GRIK4: variants seen among roughly 807,000 people sequenced by gnomAD.
The protein encoded by GRIK4 is glutamate ionotropic receptor kainate type subunit 4.
GRIK4 carries 40 observed loss-of-function variants against 104.9 expected under a neutral mutation model. That is an observed-to-expected ratio of 0.38 (90% CI 0.30 to 0.50). The LOEUF is 0.50. Ranked by LOEUF, GRIK4 falls within the 20% of genes least tolerant of loss-of-function variation. The probability of loss-of-function intolerance (pLI) is 0.93; values close to 1 mark genes in which losing one functional copy is unlikely to be tolerated. For synonymous variants in GRIK4, 485 were observed against 524.9 expected (o/e 0.92, Z 1.04); for missense variants, 1,047 against 1,308.1 (o/e 0.80, Z 3.08).
intron 3 of GRIK4, among the ~76,000 whole-genome samples, chr11:120,776,938 C>T (rs1278812524): frequency 1.3e-5 from 2 of 152,126 alleles, no homozygotes; most frequent in Non-Finnish European, 2.9e-5. Flanking sequence ...TGATTTCTGC[C>T]ATGTGCTGTT....
chr11:120,891,437 T>A (rs1955292025), intron 11 of GRIK4, among the ~76,000 whole-genome samples: 1 of 152,250 alleles, frequency 6.6e-6, no homozygotes, highest in Non-Finnish European at 1.5e-5. Flanking sequence ...ATCTTGGTAC[T>A]TAGCAGCATG....
intron 3 of GRIK4, among the ~76,000 whole-genome samples, chr11:120,799,330 G>A (rs1952581484): frequency 6.6e-6 from 1 of 152,174 alleles, no homozygotes; most frequent in South Asian, 2.1e-4. Flanking sequence ...GAGAAGGGAG[G>A]AGGGGGAGTT....
intron 1 of GRIK4, among the ~76,000 whole-genome samples, chr11:120,514,254 A>G (rs1179456074): frequency 6.6e-6 from 1 of 152,166 alleles, no homozygotes; most frequent in Non-Finnish European, 1.5e-5. Flanking sequence ...TTATGTGTGT[A>G]TGGGGTTCTG....
At chr11:120,583,765 T>C (rs373668037) in intron 1 of GRIK4, among the ~76,000 whole-genome samples, 3 of 152,226 alleles carry the variant, frequency 2.0e-5, no homozygotes, top group East Asian at 1.9e-4. Flanking sequence ...CATTGGTAGT[T>C]TGATAGGGAT....
At chr11:120,931,101 C>T (rs373492330) in intron 13 of GRIK4, among the ~76,000 whole-genome samples, 3 of 152,254 alleles carry the variant, frequency 2.0e-5, no homozygotes, top group South Asian at 4.1e-4. Context: ...ATAAGAAAAA[C>T]GAGCTGGGAG....
At chr11:120,532,335 G>A (rs1043844702) in intron 1 of GRIK4, among the ~76,000 whole-genome samples, 1 of 152,156 alleles carries the variant, frequency 6.6e-6, no homozygotes, top group Admixed American at 6.5e-5. Context: ...TTGTGCCCGG[G>A]GGTCCGCCCT....
intron 3 of GRIK4, among the ~76,000 whole-genome samples, chr11:120,717,663 C>T (rs185312602): frequency 7.9e-5 from 12 of 152,306 alleles, no homozygotes; most frequent in African/African-American, 2.9e-4. Flanking sequence ...AAGAATCCTC[C>T]TGCTTCCTGC....
Position 120,807,748 on chromosome 11 carries a change from C to T in GRIK4, c.247+4891C>T, listed in dbSNP as rs148843641. Among the ~76,000 whole-genome samples, 1,140 of 152,290 alleles carry T rather than the reference C, an allele frequency of 7.5e-3. 4 individuals carry two copies. The highest frequency in any genetic ancestry group is 0.022 in the South Asian group (108 of 4,818). On this transcript the variant is annotated intron_variant, in intron 4 of 20. Transcript: ENST00000527524. ...CCTTACTCCCCTTCTCGGAGCTACC[C>T]GCATCATAGGCATGATGTGGGCTCA...
Position 120,753,112 on chromosome 11 carries a change from C to T in GRIK4, c.83-49581C>T, listed in dbSNP as rs113242682. Among the ~76,000 whole-genome samples the T allele has an allele frequency of 4.9e-3, 750 of 152,308 alleles. 7 individuals carry two copies. The highest frequency in any genetic ancestry group is 0.017 in the African/African-American group (714 of 41,558). On this transcript the variant is annotated intron_variant, in intron 3 of 20. Transcript: ENST00000527524. The stretch of plus-strand genomic sequence containing the variant: ...TCCTTTACAGGAGAGCAGCTGAGCA[C>T]GGATGGGTGGTTTGGAGAAAATGGG...
chr11:120,885,432 C>G (rs1353119983), intron 11 of GRIK4, among the ~76,000 whole-genome samples: 1 of 151,022 alleles, frequency 6.6e-6, no homozygotes, highest in East Asian at 1.9e-4. Context: ...ATTGCCCAGG[C>G]TGGAGTGCAA....
intron 9 of GRIK4, chr11:120,871,531 T>A: frequency 2.2e-6 from 1 of 452,974 alleles, no homozygotes; most frequent in South Asian, 1.6e-5. Flanking sequence ...TGCAGAGGTG[T>A]GCACTGTTCC....
chr11:120,553,309 A>T (rs2136096950), intron 1 of GRIK4, among the ~76,000 whole-genome samples: 1 of 152,268 alleles, frequency 6.6e-6, no homozygotes, highest in Non-Finnish European at 1.5e-5. Context: ...AAACCAGGAG[A>T]TGTGGCACTG....
chr11:120,518,311 A>C (rs371717542), intron 1 of GRIK4, among the ~76,000 whole-genome samples: 5 of 152,302 alleles, frequency 3.3e-5, no homozygotes, highest in African/African-American at 1.2e-4. Flanking sequence ...AGTCCGTGGC[A>C]GCAGTGGTTA....
At chr11:120,545,791 G>C (rs1948080355) in intron 1 of GRIK4, among the ~76,000 whole-genome samples, 1 of 152,172 alleles carries the variant, frequency 6.6e-6, no homozygotes, top group Admixed American at 6.5e-5. Context: ...CCAGTTTTAG[G>C]GATCTTTGGA....
At chr11:120,982,027 G>A (rs543762521) in intron 19 of GRIK4, 79 bp from the exon 20 acceptor site, 1 of 982,750 alleles carries the variant, frequency 1.0e-6, no homozygotes, top group Non-Finnish European at 1.6e-6. Flanking sequence ...TTGTTTGAAT[G>A]ATTTTAGTAT....
At chr11:120,899,418 CA>C (rs57401981) in intron 12 of GRIK4, among the ~76,000 whole-genome samples, 18,673 of 71,870 alleles carry the variant, frequency 0.26, 1,290 homozygotes, top group African/African-American at 0.35. Flanking sequence ...GAGACTGTCT[CA>C]AAAAAAAAAA....
intron 7 of GRIK4, 132 bp downstream of exon 7, chr11:120,832,162 C>G (rs927496094): frequency 1.2e-5 from 7 of 576,472 alleles, no homozygotes; most frequent in Non-Finnish European, 2.1e-5. Flanking sequence ...TCTCTCTGTG[C>G]TTCTGTTTTC....
Position 120,807,458 on chromosome 11 carries a change from G to A in GRIK4, c.247+4601G>A, listed in dbSNP as rs551828338. Among the ~76,000 whole-genome samples the A allele has an allele frequency of 3.7e-3, 561 of 152,198 alleles. 4 individuals are homozygous for A. Among genetic ancestry groups the A allele is most frequent in the African/African-American group, 0.013 (529 of 41,526 alleles). On this transcript the variant is annotated intron_variant, in intron 4 of 20. Coordinates refer to ENST00000527524, the MANE Select transcript of GRIK4 (RefSeq NM_014619.5). ...ACAGTTTCCCCTTGAAACTAGAGGC[G>A]CCCTGGTTATCCGGGCCTCCTGTGG...
At chr11:120,628,851 C>A (rs997183947) in intron 1 of GRIK4, among the ~76,000 whole-genome samples, 12 of 152,164 alleles carry the variant, frequency 7.9e-5, no homozygotes, top group Non-Finnish European at 1.5e-5. Context: ...GGTTTCAGGG[C>A]AAGATACATC....
Sources: gnomAD v4.1 joint callset for allele counts (sites outside exome capture counted in the v4.1 genomes callset) on GRCh38, gnomAD v4.1.1 for gene constraint, MANE v1.5 for transcripts, NCBI Gene and HGNC (gene_info 2026-07-23, HGNC 2026-07-21) for gene names.